MAF: variants seen among roughly 807,000 people sequenced by gnomAD.
MAF encodes transcription factor Maf.
In MAF, 10 loss-of-function variants were observed where a neutral mutation model predicts 22.0. The observed-to-expected ratio is 0.45, with a 90% confidence interval of 0.28 to 0.77. MAF has a LOEUF of 0.77. MAF is among the 30% of genes least tolerant of loss of function. The probability of loss-of-function intolerance (pLI) is 0.12; values close to 1 mark genes in which losing one functional copy is unlikely to be tolerated. For missense variants in MAF, 544 were observed against 548.4 expected, an observed-to-expected ratio of 0.99 and a Z score of 0.08; for synonymous variants, 337 against 255.8, an observed-to-expected ratio of 1.32 and a Z score of -3.03.
the MAF span, among the ~76,000 whole-genome samples, chr16:79,551,233 C>G: frequency 6.6e-6 from 1 of 152,134 alleles, no homozygotes; most frequent in Admixed American, 6.5e-5. Flanking sequence ...AGACTCCCCA[C>G]TGGAGTCAGA....
chr16:79,324,346 C>A, the MAF span, among the ~76,000 whole-genome samples: 1 of 152,112 alleles, frequency 6.6e-6, no homozygotes, highest in East Asian at 1.9e-4. Context: ...TGTTTTCAAC[C>A]AAATATGGAT....
the MAF span, among the ~76,000 whole-genome samples, chr16:79,365,407 T>C: frequency 6.6e-6 from 1 of 152,184 alleles, no homozygotes; most frequent in South Asian, 2.1e-4. Context: ...ACAACGCTGC[T>C]GATGTTTACT....
At chr16:79,258,860 C>T in the MAF span, among the ~76,000 whole-genome samples, 2 of 152,126 alleles carry the variant, frequency 1.3e-5, no homozygotes, top group African/African-American at 4.8e-5. Flanking sequence ...CAGGAAGAAA[C>T]CTAGATGTCA....
At chr16:79,537,055 G>C in the MAF span, among the ~76,000 whole-genome samples, 2 of 152,148 alleles carry the variant, frequency 1.3e-5, no homozygotes, top group Admixed American at 6.6e-5. Context: ...GTATGTGTGG[G>C]TGCACATGTA....
chr16:79,598,422 A>G, intron 1 of MAF: 2 of 512,350 alleles, frequency 3.9e-6, no homozygotes, highest in East Asian at 6.2e-5. Flanking sequence ...ATCATTGAAC[A>G]TTGTGCAAGT....
chr16:79,370,675 T>G, the MAF span, among the ~76,000 whole-genome samples: 1 of 152,198 alleles, frequency 6.6e-6, no homozygotes, highest in African/African-American at 2.4e-5. Context: ...ATCAGTGAGT[T>G]CTGATTGTTG....
chr16:79,572,835 A>G, the MAF span, among the ~76,000 whole-genome samples: 3 of 152,202 alleles, frequency 2.0e-5, no homozygotes, highest in Non-Finnish European at 4.4e-5. Context: ...GCTGTATTGA[A>G]TTAAAATTCC....
the MAF span, among the ~76,000 whole-genome samples, chr16:79,290,074 G>A: frequency 2.0e-5 from 3 of 151,948 alleles, no homozygotes; most frequent in Non-Finnish European, 2.9e-5. Context: ...CCAGGCACTG[G>A]TCTCTATCTC....
chr16:79,599,283 G>A lies in MAF; in HGVS notation c.620C>T (p.Ala207Val). 1.0e-6 allele frequency: 1 copy of A among 979,178 alleles called. No homozygotes were observed. Among genetic ancestry groups the A allele is most frequent in the Non-Finnish European group, 1.2e-6 (1 of 827,658 alleles). The allele number at this position is 979,178 out of a possible 1,614,324, so 60.7% of individuals were successfully genotyped here. ...AGAPGAAGSA[A>V]ASAGGAGGAG... ...GCCCCCAGCGCCACCGGCCGAGGCGGCCGCGCTGCCCGCGGCGCCGGGCGC... is the reference window on the plus strand; with the variant it reads ...GCCCCCAGCGCCACCGGCCGAGGCGACCGCGCTGCCCGCGGCGCCGGGCGC... The change falls in exon 1 of 2, where the codon GCC becomes GTC. Residue 207 changes from alanine (A) to valine (V), a missense_variant. Physicochemically the swap from Ala to Val is moderately conservative, Grantham distance 64. Around this residue, in one of 5 missense-constraint regions of MAF, gnomAD observed 342 missense variants for 315.5 expected, o/e 1.08. Transcript: ENST00000326043.
At chr16:79,460,956 T>C in the MAF span, among the ~76,000 whole-genome samples, 1 of 152,192 alleles carries the variant, frequency 6.6e-6, no homozygotes, top group African/African-American at 2.4e-5. Context: ...TCCAAACTTG[T>C]AGTAATCTGA....
At chr16:79,355,015 C>T in the MAF span, among the ~76,000 whole-genome samples, 1 of 149,854 alleles carries the variant, frequency 6.7e-6, no homozygotes, top group South Asian at 2.1e-4. Flanking sequence ...TGTTTCATAA[C>T]ATTTGAAAAC....
chr16:79,329,377 T>C, the MAF span, among the ~76,000 whole-genome samples: 1 of 152,144 alleles, frequency 6.6e-6, no homozygotes, highest in East Asian at 1.9e-4. Context: ...GAAAGCTTTA[T>C]ATAGGAAGAA....
chr16:79,557,605 A>C, the MAF span, among the ~76,000 whole-genome samples: 1 of 152,066 alleles, frequency 6.6e-6, no homozygotes, highest in Admixed American at 6.5e-5. Flanking sequence ...TGCTCAATAG[A>C]GATACTAATA....
the MAF span, among the ~76,000 whole-genome samples, chr16:79,557,561 C>T: frequency 5.3e-5 from 8 of 152,132 alleles, no homozygotes; most frequent in African/African-American, 1.9e-4. Context: ...TGGCCTTGGG[C>T]GTGTTACAGC....
At chr16:79,386,239 C>G in the MAF span, among the ~76,000 whole-genome samples, 1 of 152,074 alleles carries the variant, frequency 6.6e-6, no homozygotes, top group Non-Finnish European at 1.5e-5. Context: ...TATAATAAAA[C>G]AATTATACAA....
chr16:79,288,730 G>C, the MAF span, among the ~76,000 whole-genome samples: 1 of 152,052 alleles, frequency 6.6e-6, no homozygotes, highest in African/African-American at 2.4e-5. Context: ...TAAGCAGTGT[G>C]TTGTTTGTTT....
chr16:79,434,717 A>G, the MAF span, among the ~76,000 whole-genome samples: 2 of 152,042 alleles, frequency 1.3e-5, no homozygotes, highest in Non-Finnish European at 2.9e-5. Flanking sequence ...TCATTCATAC[A>G]TATTTTATTT....
the MAF span, among the ~76,000 whole-genome samples, chr16:79,555,361 A>G: frequency 6.6e-6 from 1 of 152,184 alleles, no homozygotes; most frequent in African/African-American, 2.4e-5. Flanking sequence ...GAATGCATTC[A>G]ATGTCTTTTG....
At chr16:79,340,671 G>C in the MAF span, among the ~76,000 whole-genome samples, 3 of 151,978 alleles carry the variant, frequency 2.0e-5, no homozygotes, top group South Asian at 2.1e-4. Context: ...GAAAGTGATA[G>C]GGAGACATCG....
Sources: allele counts gnomAD v4.1 joint callset (sites outside exome capture counted in the v4.1 genomes callset), GRCh38; gene constraint gnomAD v4.1.1; regional missense constraint gnomAD v4.1.1; transcripts MANE v1.5; gene names NCBI Gene and HGNC (gene_info 2026-07-23, HGNC 2026-07-21).